RAB38: variants seen among roughly 807,000 people sequenced by gnomAD.
RAB38 encodes the protein RAB38, member RAS oncogene family, also known as ras-related protein Rab-38.
A neutral mutation model predicts 18.4 loss-of-function variants in RAB38; 15 were observed. The ratio of observed to expected loss-of-function variants is 0.82; its 90% CI spans 0.55 to 1.26. The LOEUF is 1.26. Ranked by LOEUF, RAB38 falls within the 50% of genes most tolerant of loss-of-function variation. The pLI is 0.00. For synonymous variants in RAB38, 101 were observed against 104.4 expected (o/e 0.97, Z 0.20); for missense variants, 294 against 267.4 (o/e 1.10, Z -0.69).
chr11:88,083,125 C>T, the RAB38 span, among the ~76,000 whole-genome samples: 3 of 151,742 alleles, frequency 2.0e-5, no homozygotes, highest in Admixed American at 1.3e-4. Context: ...ATGCAAGGCT[C>T]GCTCCCTCAC....
the RAB38 span, among the ~76,000 whole-genome samples, chr11:87,896,082 G>A: frequency 6.6e-6 from 1 of 151,676 alleles, no homozygotes; most frequent in Non-Finnish European, 1.5e-5. Context: ...ACCAGGTACT[G>A]ATGAAGATAC....
chr11:88,174,325 G>A (rs1054113028), intron 1 of RAB38, among the ~76,000 whole-genome samples: 1 of 152,068 alleles, frequency 6.6e-6, no homozygotes, highest in African/African-American at 2.4e-5. Flanking sequence ...CTTTTGACTA[G>A]GCCTAACTTC....
the RAB38 span, among the ~76,000 whole-genome samples, chr11:88,080,120 G>A: frequency 3.3e-5 from 5 of 151,768 alleles, no homozygotes; most frequent in Admixed American, 2.6e-4. Context: ...TCAGCTGATG[G>A]CATTTCCATA....
chr11:88,175,305 T>G lies in RAB38; in HGVS notation c.80A>C (p.Lys27Thr). Reference sequence around the variant, plus strand: ...AGAGAAGTTCTGGTGCACGTAGCGCTTGATGATACTGGTCTTCCCCACGCC... The same window carrying G: ...AGAGAAGTTCTGGTGCACGTAGCGCGTGATGATACTGGTCTTCCCCACGCC... ...DLGVGKTSII[K>T]RYVHQNFSSH... The change falls in exon 1 of 3, where the codon AAG becomes ACG. Residue 27 changes from lysine to threonine, a missense_variant. Transcript: ENST00000243662. 1 of 1,614,204 alleles carries G rather than the reference T, an allele frequency of 6.2e-7. No individual in the cohort carries two copies. Among genetic ancestry groups the G allele is most frequent in the Non-Finnish European group, 8.5e-7 (1 of 1,180,014 alleles).
the RAB38 span, among the ~76,000 whole-genome samples, chr11:88,086,483 T>C: frequency 6.6e-6 from 1 of 151,922 alleles, no homozygotes; most frequent in Non-Finnish European, 1.5e-5. Context: ...AGTTTGACAA[T>C]TGTTTCCTAA....
At chr11:88,046,310 G>A in the RAB38 span, among the ~76,000 whole-genome samples, 2 of 152,208 alleles carry the variant, frequency 1.3e-5, no homozygotes, top group South Asian at 2.1e-4. Context: ...AGCCTTACAG[G>A]TTAGTTCAGG....
the RAB38 span, among the ~76,000 whole-genome samples, chr11:88,106,984 A>G: frequency 1.8e-4 from 27 of 152,180 alleles, no homozygotes; most frequent in Non-Finnish European, 7.4e-5. Context: ...GAGCAGCGAT[A>G]AAGAGGCACA....
the RAB38 span, among the ~76,000 whole-genome samples, chr11:88,030,668 T>C: frequency 6.6e-6 from 1 of 151,974 alleles, no homozygotes; most frequent in Non-Finnish European, 1.5e-5. Flanking sequence ...CTCTCCCAAG[T>C]CTAAACCAGG....
the RAB38 span, among the ~76,000 whole-genome samples, chr11:87,819,110 A>G: frequency 3.3e-4 from 51 of 152,302 alleles, no homozygotes; most frequent in African/African-American, 1.1e-3. Context: ...TTGGAGTTCT[A>G]TTTACAGCAG....
At chr11:88,022,612 A>AAAAAAAG in the RAB38 span, among the ~76,000 whole-genome samples, 1 of 17,666 alleles carries the variant, frequency 5.7e-5, no homozygotes, top group Non-Finnish European at 1.0e-4. Flanking sequence ...AAGACCCCAC[A>AAAAAAAG]AAAAAAAAAA....
the RAB38 span, among the ~76,000 whole-genome samples, chr11:87,960,647 C>G: frequency 2.0e-5 from 3 of 152,156 alleles, no homozygotes; most frequent in Non-Finnish European, 4.4e-5. Flanking sequence ...TACTTGTACT[C>G]TGTACAAGGT....
chr11:87,827,678 C>T, the RAB38 span, among the ~76,000 whole-genome samples: 2 of 152,116 alleles, frequency 1.3e-5, no homozygotes, highest in Non-Finnish European at 2.9e-5. Context: ...TATTTCTTGA[C>T]ACGGTTAGCC....
chr11:88,025,009 G>A, the RAB38 span, among the ~76,000 whole-genome samples: 10,923 of 151,948 alleles, frequency 0.072, 628 homozygotes, highest in African/African-American at 0.14. Flanking sequence ...GAAATAACCA[G>A]AAGAGTATAA....
At chr11:87,960,488 C>T in the RAB38 span, among the ~76,000 whole-genome samples, 2 of 151,782 alleles carry the variant, frequency 1.3e-5, no homozygotes, top group Non-Finnish European at 1.5e-5. Context: ...ATGCTGATAA[C>T]AATGATGATA....
the RAB38 span, among the ~76,000 whole-genome samples, chr11:88,049,366 C>A: frequency 1.8e-4 from 28 of 152,226 alleles, no homozygotes; most frequent in Non-Finnish European, 3.8e-4. Context: ...ATGACATTAC[C>A]TTGTGAAATT....
chr11:88,133,995 T>A (rs942132928), intron 2 of RAB38, among the ~76,000 whole-genome samples: 2 of 152,204 alleles, frequency 1.3e-5, no homozygotes, highest in Admixed American at 1.3e-4. Flanking sequence ...CTATACTCAT[T>A]CCCAAGGTAA....
chr11:87,976,671 T>C, the RAB38 span, among the ~76,000 whole-genome samples: 2 of 113,896 alleles, frequency 1.8e-5, no homozygotes, highest in Non-Finnish European at 3.3e-5. Context: ...TAATTTTATA[T>C]GATATATATT....
At chr11:88,128,091 T>C (rs1172745471) in intron 2 of RAB38, among the ~76,000 whole-genome samples, 2 of 152,214 alleles carry the variant, frequency 1.3e-5, no homozygotes, top group African/African-American at 4.8e-5. Flanking sequence ...TGATATCCAT[T>C]ACACCGAATC....
chr11:88,033,914 A>T, the RAB38 span, among the ~76,000 whole-genome samples: 32 of 151,730 alleles, frequency 2.1e-4, no homozygotes, highest in Admixed American at 1.1e-3. Context: ...TTTTTAGTAG[A>T]GACAGAGTTT....
Sources: gnomAD v4.1 joint callset for allele counts (sites outside exome capture counted in the v4.1 genomes callset) on GRCh38, gnomAD v4.1.1 for gene constraint, MANE v1.5 for transcripts, NCBI Gene and HGNC (gene_info 2026-07-23, HGNC 2026-07-21) for gene names.